The following KLHL1 variants were observed in gnomAD, a reference collection of about 807,000 sequenced individuals.
The protein encoded by KLHL1 is kelch-like protein 1.
In KLHL1, 47 loss-of-function variants were observed where a neutral mutation model predicts 77.7. That is an observed-to-expected ratio of 0.60 (90% CI 0.48 to 0.77). KLHL1 has a LOEUF of 0.77. Among genes scored for constraint, KLHL1 ranks in the 30% least tolerant of loss-of-function variants. The pLI is 0.00. For synonymous variants in KLHL1, 360 were observed against 325.2 expected (o/e 1.11, Z -1.15); for missense variants, 925 against 910.8 (o/e 1.02, Z -0.20).
At chr13:70,023,746 G>C (rs1885861184) in intron 1 of KLHL1, among the ~76,000 whole-genome samples, 1 of 151,778 alleles carries the variant, frequency 6.6e-6, no homozygotes, top group South Asian at 2.1e-4. Context: ...GCTTTCTCAT[G>C]GTTGTTTTCT....
intron 2 of KLHL1, among the ~76,000 whole-genome samples, chr13:69,965,934 T>C (rs576739676): frequency 6.6e-6 from 1 of 152,118 alleles, no homozygotes; most frequent in Non-Finnish European, 1.5e-5. Context: ...AAGTACAAAG[T>C]TGGCAGAAGT....
chr13:69,951,418 G>C (rs949120241), intron 3 of KLHL1, among the ~76,000 whole-genome samples: 2 of 151,520 alleles, frequency 1.3e-5, no homozygotes, highest in Non-Finnish European at 3.0e-5. Flanking sequence ...TCGCAAGTTA[G>C]TAGGAACATG....
chr13:70,086,305 G>A (rs1180847760), intron 1 of KLHL1, among the ~76,000 whole-genome samples: 1 of 151,448 alleles, frequency 6.6e-6, no homozygotes, highest in Non-Finnish European at 1.5e-5. Flanking sequence ...AGACCTGGCT[G>A]GGCATGGAGG....
At chr13:69,778,480 T>C (rs1420409251) in intron 7 of KLHL1, among the ~76,000 whole-genome samples, 1 of 151,458 alleles carries the variant, frequency 6.6e-6, no homozygotes, top group Non-Finnish European at 1.5e-5. Context: ...CTTAACATCA[T>C]TGCCGAATAT....
At chr13:69,717,738 T>C (rs1350487724) in intron 9 of KLHL1, among the ~76,000 whole-genome samples, 3 of 141,232 alleles carry the variant, frequency 2.1e-5, no homozygotes, top group African/African-American at 7.7e-5. Flanking sequence ...AAAATGTAAA[T>C]GAGTCAGTTG....
intron 7 of KLHL1, among the ~76,000 whole-genome samples, chr13:69,757,362 A>G (rs921123666): frequency 2.6e-5 from 4 of 152,168 alleles, no homozygotes; most frequent in African/African-American, 9.7e-5. Flanking sequence ...CTGATAAAAT[A>G]TATCAAGACA....
intron 5 of KLHL1, among the ~76,000 whole-genome samples, chr13:69,876,963 C>T (rs200042348): frequency 3.3e-5 from 5 of 151,780 alleles, no homozygotes; most frequent in African/African-American, 1.2e-4. Flanking sequence ...CTTGAACCTG[C>T]GAGGCAGAGG....
intron 5 of KLHL1, among the ~76,000 whole-genome samples, chr13:69,877,187 T>C (rs773420944): frequency 4.9e-4 from 74 of 152,190 alleles, no homozygotes; most frequent in Non-Finnish European, 9.4e-4. Flanking sequence ...CTCTTGATTT[T>C]TAAACAACAT....
intron 7 of KLHL1, among the ~76,000 whole-genome samples, chr13:69,785,586 C>T (rs1285674176): frequency 7.8e-6 from 1 of 128,466 alleles, no homozygotes; most frequent in South Asian, 2.5e-4. Context: ...ACCCTAAGAT[C>T]ACAATTAAAA....
intron 5 of KLHL1, among the ~76,000 whole-genome samples, chr13:69,881,640 T>C (rs925541466): frequency 6.6e-6 from 1 of 152,210 alleles, no homozygotes; most frequent in Non-Finnish European, 1.5e-5. Context: ...GCCACTCTTC[T>C]TCTAAGTTGA....
At chr13:69,899,366 A>C (rs1418248548) in intron 4 of KLHL1, among the ~76,000 whole-genome samples, 1 of 152,144 alleles carries the variant, frequency 6.6e-6, no homozygotes, top group African/African-American at 2.4e-5. Flanking sequence ...AGCTACTCTC[A>C]TTGATAAAAT....
chr13:69,886,722 A>T (rs1325470817), intron 4 of KLHL1, among the ~76,000 whole-genome samples: 3 of 152,108 alleles, frequency 2.0e-5, no homozygotes, highest in Admixed American at 6.6e-5. Context: ...TATCAAACCA[A>T]CACATTATGT....
chr13:69,780,052 C>T (rs1388396564), intron 7 of KLHL1, among the ~76,000 whole-genome samples: 1 of 152,116 alleles, frequency 6.6e-6, no homozygotes, highest in Admixed American at 6.6e-5. Flanking sequence ...GGGTGATCTA[C>T]CCACCTTGGC....
chr13:69,736,890 G>C (rs572003418), intron 8 of KLHL1, among the ~76,000 whole-genome samples: 1 of 152,254 alleles, frequency 6.6e-6, no homozygotes, highest in Admixed American at 6.5e-5. Flanking sequence ...GAGACAATAG[G>C]AGGGAGTAGC....
intron 9 of KLHL1, among the ~76,000 whole-genome samples, chr13:69,711,367 T>C (rs1875869950): frequency 6.6e-6 from 1 of 152,094 alleles, no homozygotes; most frequent in Non-Finnish European, 1.5e-5. Context: ...GCTGTGAGAA[T>C]GGATAGCCTG....
At chr13:70,057,469 C>CAAAAAAAAAAAA (rs56235725) in intron 1 of KLHL1, among the ~76,000 whole-genome samples, 2 of 87,092 alleles carry the variant, frequency 2.3e-5, no homozygotes, top group African/African-American at 4.6e-5. Context: ...AAAGACACAT[C>CAAAAAAAAAAAA]AAAAAAAAAA....
At chr13:69,809,985 G>A (rs1435171440) in intron 6 of KLHL1, among the ~76,000 whole-genome samples, 1 of 151,968 alleles carries the variant, frequency 6.6e-6, no homozygotes, top group Admixed American at 6.6e-5. Context: ...AATTTAAGGA[G>A]AAGACTCAAC....
At chr13:70,072,869 T>G (rs993570296) in intron 1 of KLHL1, among the ~76,000 whole-genome samples, 6 of 152,198 alleles carry the variant, frequency 3.9e-5, no homozygotes, top group Middle Eastern at 3.4e-3. Flanking sequence ...TGTGAGAAAC[T>G]AGATGCTTTC....
intron 5 of KLHL1, among the ~76,000 whole-genome samples, chr13:69,868,069 A>C (rs937099739): frequency 1.3e-5 from 2 of 152,150 alleles, no homozygotes; most frequent in South Asian, 2.1e-4. Flanking sequence ...AAAATATTAA[A>C]TATTCTGAAT....
Sources: allele counts gnomAD v4.1 joint callset (sites outside exome capture counted in the v4.1 genomes callset), GRCh38; gene constraint gnomAD v4.1.1; transcripts MANE v1.5; gene names NCBI Gene and HGNC (gene_info 2026-07-23, HGNC 2026-07-21).